The following COL28A1 variants were observed in gnomAD, a reference collection of about 807,000 sequenced individuals.
COL28A1 encodes collagen type XXVIII alpha 1 chain, also known as collagen alpha-1(XXVIII) chain.
COL28A1 carries 161 observed loss-of-function variants against 150.2 expected under a neutral mutation model. That is an observed-to-expected ratio of 1.07 (90% CI 0.94 to 1.22). COL28A1 has a LOEUF of 1.22. Ranked by LOEUF, COL28A1 falls within the 50% of genes most tolerant of loss-of-function variation. The pLI is 0.00. For missense variants in COL28A1, 1,617 were observed against 1,388.3 expected (o/e 1.16, Z -2.62); for synonymous variants, 552 against 469.7 (o/e 1.18, Z -2.26).
intron 27 of COL28A1, among the ~76,000 whole-genome samples, chr7:7,392,494 G>A (rs964762413): frequency 6.6e-6 from 1 of 152,112 alleles, no homozygotes; most frequent in East Asian, 1.9e-4. Context: ...GGTGGTCTCT[G>A]TAATTTCTGA....
rs758711470 is a variant in COL28A1 at position 7,417,925 on chromosome 7, A to C, written c.2070T>G (p.Gly690=). The change falls in exon 27 of 35, where the codon GGT becomes GGG. Residue 690 remains glycine (G), a splice_region_variant and synonymous_variant. Transcript: ENST00000399429. ...CAGGCAAGCCTTTCTGCCCAGTATCACCCTGTTAGAAGATGGGGAGAATTT... is the reference window on the plus strand; with the variant it reads ...CAGGCAAGCCTTTCTGCCCAGTATCCCCCTGTTAGAAGATGGGGAGAATTT... ...PRGVGTQGPK[G]DTGQKGLPGP... The C allele has an allele frequency of 1.7e-5, 28 of 1,603,914 alleles. No individual in the cohort carries two copies. Among genetic ancestry groups the C allele is most frequent in the Middle Eastern group, 3.3e-4 (2 of 6,064 alleles).
At chr7:7,344,278 C>G in the COL28A1 span, among the ~76,000 whole-genome samples, 445 of 152,172 alleles carry the variant, frequency 2.9e-3, 6 homozygotes, top group African/African-American at 0.01. Flanking sequence ...CCTATTGTCT[C>G]ATTATTTGTC....
intron 8 of COL28A1, among the ~76,000 whole-genome samples, 174 bp from the exon 9 acceptor site, chr7:7,511,309 A>G (rs1039829730): frequency 1.3e-5 from 2 of 152,164 alleles, no homozygotes; most frequent in African/African-American, 4.8e-5. Context: ...TGAAATCTGA[A>G]TATTTTTACC....
intron 23 of COL28A1, among the ~76,000 whole-genome samples, chr7:7,433,329 A>G (rs1467147838): frequency 6.6e-6 from 1 of 152,094 alleles, no homozygotes; most frequent in African/African-American, 2.4e-5. Flanking sequence ...ATTAAGAAGG[A>G]TCTTTTAGAA....
the COL28A1 span, among the ~76,000 whole-genome samples, chr7:7,340,555 G>A: frequency 6.6e-5 from 10 of 152,100 alleles, no homozygotes; most frequent in African/African-American, 7.2e-5. Flanking sequence ...TGATGCGGCC[G>A]TAGGCAATTA....
chr7:7,370,063 C>A (rs1255734348), intron 33 of COL28A1, among the ~76,000 whole-genome samples: 1 of 152,142 alleles, frequency 6.6e-6, no homozygotes, highest in Non-Finnish European at 1.5e-5. Context: ...TGCCCATAAT[C>A]TGATTGGCTG....
At chr7:7,370,609 C>G (rs1781176932) in intron 33 of COL28A1, 116 bp downstream of exon 33, 1 of 730,072 alleles carries the variant, frequency 1.4e-6, no homozygotes, top group Non-Finnish European at 2.1e-6. Flanking sequence ...AGCCAAGGAC[C>G]TAAAAATACA....
upstream of COL28A1, among the ~76,000 whole-genome samples, chr7:7,537,332 C>A (rs1429595519): frequency 1.1e-4 from 16 of 152,170 alleles, 1 homozygote; most frequent in Admixed American, 1.0e-3. Context: ...GGAGGAAACT[C>A]CAGGACCTGG....
chr7:7,444,441 C>A lies in COL28A1; in HGVS notation c.1558G>T (p.Glu520Ter). The A allele has an allele frequency of 6.2e-7, 1 of 1,614,106 alleles. No homozygotes were observed. Among genetic ancestry groups the A allele is most frequent in the East Asian group, 2.2e-5 (1 of 44,872 alleles). Residue 520 changes from glutamate to a stop codon, truncating the protein, a stop_gained, in exon 19 of 35, where the codon GAA becomes TAA. Transcript: ENST00000399429. LOFTEE classifies it high-confidence loss of function. The stretch of plus-strand genomic sequence containing the variant: ...ACCTTCTTCCCTGCAGCTCCATCTT[C>A]TCCTGGTACTCCTGGTTGTCCTGGG... ...GLPGQPGVPG[E>*]DGAAGKKGEA...
At chr7:7,491,574 A>T (rs529310375) in intron 11 of COL28A1, among the ~76,000 whole-genome samples, 5 of 152,376 alleles carry the variant, frequency 3.3e-5, no homozygotes, top group Admixed American at 2.0e-4. Context: ...GAGCATTTTG[A>T]AATAATAATA....
intron 31 of COL28A1, among the ~76,000 whole-genome samples, chr7:7,374,167 G>A (rs1013055415): frequency 4.0e-5 from 6 of 151,528 alleles, no homozygotes; most frequent in South Asian, 4.2e-4. Flanking sequence ...TGTGGATGCC[G>A]TCCCAATAAC....
Position 7,528,870 on chromosome 7 carries a change from T to C in COL28A1, c.681+2478A>G, listed in dbSNP as rs187409366. ...ATTGTGCCCTTTAAGTTAATGCAGTTGTGTACTTAAATCATACCTAATTAA... is the reference window on the plus strand; with the variant it reads ...ATTGTGCCCTTTAAGTTAATGCAGTCGTGTACTTAAATCATACCTAATTAA... On this transcript the variant is annotated intron_variant, in intron 3 of 34. Coordinates refer to ENST00000399429, the MANE Select transcript of COL28A1 (RefSeq NM_001037763.3). 7.4e-3 allele frequency among the ~76,000 whole-genome samples: 1,128 copies of C among 152,282 alleles called. 2 individuals carry two copies. Among genetic ancestry groups the C allele is most frequent in the Non-Finnish European group, 0.011 (748 of 68,018 alleles).
chr7:7,460,545 G>A (rs527376746), intron 15 of COL28A1, among the ~76,000 whole-genome samples: 185 of 152,062 alleles, frequency 1.2e-3, no homozygotes, highest in Admixed American at 3.1e-3. Context: ...CACCACGCCC[G>A]GCTAATTTTT....
At chr7:7,352,067 C>A (rs58691850), downstream of COL28A1, among the ~76,000 whole-genome samples, 3 of 152,130 alleles carry the variant, frequency 2.0e-5, no homozygotes, top group African/African-American at 7.2e-5. Context: ...TCTCCACAAC[C>A]CTCACTCATT....
intron 13 of COL28A1, among the ~76,000 whole-genome samples, chr7:7,480,924 T>C (rs1789336677): frequency 6.6e-6 from 1 of 152,326 alleles, no homozygotes; most frequent in Admixed American, 6.5e-5. Context: ...TGGTTGATAA[T>C]AATAGTATCT....
intron 15 of COL28A1, among the ~76,000 whole-genome samples, chr7:7,472,328 G>C (rs1338666724): frequency 2.0e-5 from 3 of 151,868 alleles, no homozygotes; most frequent in Non-Finnish European, 4.4e-5. Context: ...AAAGTTTCCA[G>C]ATACAAAATT....
chr7:7,475,719 T>C (rs974713674), intron 14 of COL28A1, among the ~76,000 whole-genome samples: 1 of 152,202 alleles, frequency 6.6e-6, no homozygotes, highest in Non-Finnish European at 1.5e-5. Context: ...TTTCAGATTA[T>C]TTGGGCTACA....
chr7:7,500,201 T>C lies in COL28A1; in HGVS notation c.1026+5813A>G, dbSNP rs943570466. Among the ~76,000 whole-genome samples, 27 of 152,334 alleles carry C rather than the reference T, an allele frequency of 1.8e-4. No individual in the cohort carries two copies. In the South Asian group the frequency reaches 3.7e-3, roughly 21 times the overall value. On this transcript the variant is annotated intron_variant, in intron 11 of 34. Transcript: ENST00000399429. ...CTTCTACTGAAATTATTCTTTTGAATCTTCCCAATGACCTCAATATTGCCA... is the reference window on the plus strand; with the variant it reads ...CTTCTACTGAAATTATTCTTTTGAACCTTCCCAATGACCTCAATATTGCCA...
Position 7,443,670 on chromosome 7 carries a change from T to C in COL28A1, c.1582-17A>G, listed in dbSNP as rs767986794. The C allele has an allele frequency of 1.2e-6, 2 of 1,613,800 alleles. No individual in the cohort carries two copies. Among genetic ancestry groups the C allele is most frequent in the Non-Finnish European group, 8.5e-7 (1 of 1,179,928 alleles). On this transcript the variant is annotated splice_polypyrimidine_tract_variant and intron_variant, in intron 19 of 34. Coordinates refer to ENST00000399429, the MANE Select transcript of COL28A1 (RefSeq NM_001037763.3). ...CGCTTCTCCCTAGAGAAAATGACAC[T>C]GATGTGTTAGCTGACCCTCCAGTAG...
Sources: gnomAD v4.1 joint callset for allele counts (sites outside exome capture counted in the v4.1 genomes callset) on GRCh38, gnomAD v4.1.1 for gene constraint, MANE v1.5 for transcripts, NCBI Gene and HGNC (gene_info 2026-07-23, HGNC 2026-07-21) for gene names.